The following VAV2 variants were observed in gnomAD, a reference collection of about 807,000 sequenced individuals.
The protein encoded by VAV2 is vav guanine nucleotide exchange factor 2, also known as guanine nucleotide exchange factor VAV2.
A neutral mutation model predicts 132.5 loss-of-function variants in VAV2; 67 were observed. That is an observed-to-expected ratio of 0.51 (90% CI 0.42 to 0.62). The LOEUF (loss-of-function observed/expected upper bound fraction) is 0.62. VAV2 is among the 20% of genes least tolerant of loss of function. The probability of loss-of-function intolerance (pLI) is 0.00; values close to 1 mark genes in which losing one functional copy is unlikely to be tolerated. For synonymous variants in VAV2, 492 were observed against 443.5 expected (o/e 1.11, Z -1.37); for missense variants, 938 against 1,153.6 (o/e 0.81, Z 2.71).
At chr9:133,798,993 T>C (rs991427872) in intron 9 of VAV2, among the ~76,000 whole-genome samples, 1 of 152,216 alleles carries the variant, frequency 6.6e-6, no homozygotes, top group African/African-American at 2.4e-5. Flanking sequence ...GGGCCATTTC[T>C]CTTTCCATCA....
chr9:133,897,191 G>C (rs1839244261), intron 2 of VAV2, among the ~76,000 whole-genome samples: 1 of 152,192 alleles, frequency 6.6e-6, no homozygotes, highest in Non-Finnish European at 1.5e-5. Context: ...TATTGCTGAA[G>C]GACGCGGGAA....
rs1324053474 is a variant in VAV2 at position 133,885,683 on chromosome 9, G to A, written c.322-24251C>T. 3.3e-5 allele frequency among the ~76,000 whole-genome samples: 5 copies of A among 152,154 alleles called. No individual in the cohort carries two copies. Among genetic ancestry groups the A allele is most frequent in the Admixed American group, 1.3e-4 (2 of 15,278 alleles). On this transcript the variant is annotated intron_variant, in intron 2 of 29. Transcript: ENST00000371850. The surrounding 1 kb of genome is among the most constrained non-coding windows in gnomAD (Gnocchi z 5.0). ...TCCATCTAACAGCTCTGAAATGACTGGACTCTGCATCTGGCCTCACCAGGT... is the reference window on the plus strand; with the variant it reads ...TCCATCTAACAGCTCTGAAATGACTAGACTCTGCATCTGGCCTCACCAGGT...
rs1392388249 is a variant in VAV2 at position 133,926,983 on chromosome 9, CA to C, written c.321+12119del. Among the ~76,000 whole-genome samples the C allele has an allele frequency of 1.3e-5, 2 of 152,202 alleles. No individual in the cohort carries two copies. Among genetic ancestry groups the C allele is most frequent in the Non-Finnish European group, 2.9e-5 (2 of 68,044 alleles). ...TCTCAGAAAAATCAATGCAATTCTGCAAACACCGGGCAGCCTGTCACAGACA... is the reference window on the plus strand; with the variant it reads ...TCTCAGAAAAATCAATGCAATTCTGCAACACCGGGCAGCCTGTCACAGACA... On this transcript the variant is annotated intron_variant, in intron 2 of 29. Transcript: ENST00000371850. This position sits in a 1 kb window ranked among gnomAD's most constrained non-coding sequence, Gnocchi z 4.3.
chr9:133,804,831 G>A lies in VAV2; in HGVS notation c.836+1250C>T, dbSNP rs73553936. 0.056 allele frequency among the ~76,000 whole-genome samples: 8,589 copies of A among 152,184 alleles called. 840 individuals are homozygous for A. Among genetic ancestry groups the A allele is most frequent in the African/African-American group, 0.2 (8,185 of 41,464 alleles). Reference sequence around the variant, plus strand: ...GATCCCTGCCCACTCTTAACCCTCTGGGGCTGGCCAGTGTGCTCACACCTG... The same window carrying A: ...GATCCCTGCCCACTCTTAACCCTCTAGGGCTGGCCAGTGTGCTCACACCTG... On this transcript the variant is annotated intron_variant, in intron 9 of 29. Transcript: ENST00000371850. This position sits in a 1 kb window ranked among gnomAD's most constrained non-coding sequence, Gnocchi z 4.5.
intron 3 of VAV2, among the ~76,000 whole-genome samples, chr9:133,851,951 A>G (rs1340980715): frequency 7.4e-6 from 1 of 135,714 alleles, no homozygotes; most frequent in Non-Finnish European, 1.5e-5. Flanking sequence ...ATGGATGGAT[A>G]CATGGATGTA....
chr9:133,916,643 T>C (rs926607568), intron 2 of VAV2, among the ~76,000 whole-genome samples: 1 of 152,128 alleles, frequency 6.6e-6, no homozygotes, highest in Non-Finnish European at 1.5e-5. Context: ...GCCTGTGTAT[T>C]GATCCCAGAA....
intron 1 of VAV2, among the ~76,000 whole-genome samples, chr9:133,940,433 G>A (rs1841096126): frequency 6.6e-6 from 1 of 152,184 alleles, no homozygotes; most frequent in Admixed American, 6.5e-5. Flanking sequence ...TAGACATAGT[G>A]CACGTCAGAA....
intron 29 of VAV2, among the ~76,000 whole-genome samples, chr9:133,764,676 T>C (rs562050133): frequency 1.2e-4 from 18 of 152,164 alleles, no homozygotes; most frequent in Admixed American, 7.2e-4. Context: ...AGACAAACTG[T>C]AAGACAGGTC....
intron 2 of VAV2, among the ~76,000 whole-genome samples, chr9:133,931,348 G>A (rs776237664): frequency 2.6e-5 from 4 of 152,152 alleles, no homozygotes; most frequent in Non-Finnish European, 5.9e-5. Flanking sequence ...CAAGGGGCAG[G>A]GACCAGGGAG....
At chr9:133,807,160 T>C (rs1588203133) in intron 8 of VAV2, 98 bp downstream of exon 8, 8 of 1,368,224 alleles carry the variant, frequency 5.8e-6, no homozygotes, top group Non-Finnish European at 7.9e-6. Flanking sequence ...GCCACAGGGG[T>C]GCAGCTCTCC....
intron 3 of VAV2, among the ~76,000 whole-genome samples, chr9:133,855,029 GAAAAGGGACACCAGCCCAGATGGAAGA>G (rs568916229): frequency 1.6e-3 from 242 of 152,280 alleles, no homozygotes; most frequent in African/African-American, 5.3e-3. Flanking sequence ...CACCAGATGG[GAAAAGGGACACCAGCCCAGATGGAAGA>G]AAAAGGGACA....
At chr9:133,816,898 T>C (rs1458198715) in intron 4 of VAV2, among the ~76,000 whole-genome samples, 3 of 152,250 alleles carry the variant, frequency 2.0e-5, no homozygotes, top group Non-Finnish European at 4.4e-5. Context: ...ATACATTTCA[T>C]AGAAACTCTT....
intron 3 of VAV2, among the ~76,000 whole-genome samples, chr9:133,843,167 TGGCA>T (rs1348837541): frequency 1.3e-5 from 2 of 152,032 alleles, no homozygotes; most frequent in African/African-American, 4.8e-5. Context: ...GGCTCGGGGA[TGGCA>T]GTGTCGGAGA....
intron 2 of VAV2, among the ~76,000 whole-genome samples, 186 bp downstream of exon 2, chr9:133,938,917 C>G (rs1249051976): frequency 6.6e-6 from 1 of 152,242 alleles, no homozygotes; most frequent in Non-Finnish European, 1.5e-5. Context: ...ACACACAAAT[C>G]TGGCTTTCAC....
chr9:133,801,143 C>A (rs1165954306), intron 9 of VAV2, among the ~76,000 whole-genome samples: 1 of 152,194 alleles, frequency 6.6e-6, no homozygotes, highest in Non-Finnish European at 1.5e-5. Context: ...CAGCCACAAG[C>A]CTGGACACAG....
intron 3 of VAV2, among the ~76,000 whole-genome samples, chr9:133,838,025 G>A (rs1448718283): frequency 1.3e-5 from 2 of 152,174 alleles, no homozygotes; most frequent in Non-Finnish European, 2.9e-5. Context: ...AGGAGAGGGA[G>A]GCAGCCTGTC....
At chr9:133,864,776 C>T (rs1264169445) in intron 2 of VAV2, among the ~76,000 whole-genome samples, 8 of 152,218 alleles carry the variant, frequency 5.3e-5, no homozygotes, top group Admixed American at 2.0e-4. Flanking sequence ...GCCAGGAGCA[C>T]GTCCCAATTG....
chr9:133,950,205 T>A (rs1047672080), intron 1 of VAV2, among the ~76,000 whole-genome samples: 3 of 152,202 alleles, frequency 2.0e-5, no homozygotes, highest in African/African-American at 4.8e-5. Flanking sequence ...CTCTCCATCC[T>A]GACGGTCAAG....
chr9:133,976,563 C>A (rs1284701051), intron 1 of VAV2, among the ~76,000 whole-genome samples: 1 of 152,244 alleles, frequency 6.6e-6, no homozygotes, highest in Non-Finnish European at 1.5e-5. Flanking sequence ...AAAGTACACA[C>A]AATGCCACAA....
Sources: allele counts gnomAD v4.1 joint callset (sites outside exome capture counted in the v4.1 genomes callset), GRCh38; gene constraint gnomAD v4.1.1; non-coding constraint Gnocchi (gnomAD v3.1); transcripts MANE v1.5; gene names NCBI Gene and HGNC (gene_info 2026-07-23, HGNC 2026-07-21).